TMEM232: variants seen among roughly 807,000 people sequenced by gnomAD.
TMEM232 encodes transmembrane protein 232.
Under a neutral mutation model 78.8 loss-of-function variants are expected in TMEM232, and 80 were observed. That is an observed-to-expected ratio of 1.01 (90% CI 0.85 to 1.22). The LOEUF (loss-of-function observed/expected upper bound fraction) is 1.22, where lower values mean the gene tolerates loss of function less well. Among genes scored for constraint, TMEM232 ranks in the 50% most tolerant of loss-of-function variants. TMEM232 has a pLI of 0.00. For missense variants in TMEM232, 881 were observed against 742.2 expected, an observed-to-expected ratio of 1.19 and a Z score of -2.17; for synonymous variants, 297 against 254.3, an observed-to-expected ratio of 1.17 and a Z score of -1.60.
At chr5:110,529,824 G>T (rs960844817) in intron 11 of TMEM232, among the ~76,000 whole-genome samples, 1 of 152,104 alleles carries the variant, frequency 6.6e-6, no homozygotes, top group Non-Finnish European at 1.5e-5. Flanking sequence ...TCTCTGGCAG[G>T]AATCAGCAAT....
At chr5:110,610,468 G>T (rs1168362273) in intron 8 of TMEM232, 1 of 394,578 alleles carries the variant, frequency 2.5e-6, no homozygotes, top group Non-Finnish European at 5.0e-6. Context: ...CAGAAGTTGG[G>T]AACACATATG....
intron 12 of TMEM232, among the ~76,000 whole-genome samples, chr5:110,435,825 T>C (rs1158306569): frequency 6.6e-6 from 1 of 152,016 alleles, no homozygotes; most frequent in East Asian, 1.9e-4. Flanking sequence ...CTCTATTGTG[T>C]ATAAGAATGA....
At chr5:110,688,836 T>C (rs140471779) in intron 1 of TMEM232, among the ~76,000 whole-genome samples, 1,787 of 152,276 alleles carry the variant, frequency 0.012, 45 homozygotes, top group African/African-American at 0.04. Context: ...GCCTCCCCCA[T>C]GTTTTGCCCA....
intron 10 of TMEM232, among the ~76,000 whole-genome samples, chr5:110,589,734 A>T (rs1297835787): frequency 6.6e-6 from 1 of 152,168 alleles, no homozygotes; most frequent in African/African-American, 2.4e-5. Flanking sequence ...GTGCCTAGAA[A>T]AATGCCTGGA....
intron 12 of TMEM232, among the ~76,000 whole-genome samples, chr5:110,446,517 G>A (rs1303114403): frequency 6.6e-6 from 1 of 152,046 alleles, no homozygotes; most frequent in African/African-American, 2.4e-5. Flanking sequence ...TTTGGGGTTG[G>A]GGAAACAGGG....
intron 3 of TMEM232, among the ~76,000 whole-genome samples, chr5:110,392,353 A>G (rs928508276): frequency 6.6e-6 from 1 of 152,232 alleles, no homozygotes; most frequent in African/African-American, 2.4e-5. Context: ...ATCTTGGTAA[A>G]CGGATAAAAA....
At chr5:110,434,707 A>T (rs1465235729) in intron 12 of TMEM232, among the ~76,000 whole-genome samples, 1 of 152,182 alleles carries the variant, frequency 6.6e-6, no homozygotes, top group Non-Finnish European at 1.5e-5. Flanking sequence ...AATCCTCAGC[A>T]AAATACTAGC....
Position 110,467,567 on chromosome 5 carries a change from CATGAA to C in TMEM232, c.1704-42656_1704-42652del, listed in dbSNP as rs200336054. ...TATGAAAGCCATCATATCCAGAACT[CATGAA>C]ATATTTCAAAAAGCTTTGCAAACAA... On this transcript the variant is annotated intron_variant, in intron 12 of 13. Transcript: ENST00000455884. 6.7e-3 allele frequency among the ~76,000 whole-genome samples: 1,021 copies of C among 152,250 alleles called. 19 individuals are homozygous for C. Among genetic ancestry groups the C allele is most frequent in the African/African-American group, 0.023 (946 of 41,554 alleles).
At chr5:110,697,519 G>A (rs549850862) in intron 1 of TMEM232, among the ~76,000 whole-genome samples, 11 of 152,126 alleles carry the variant, frequency 7.2e-5, no homozygotes, top group South Asian at 2.1e-4. Flanking sequence ...GCAACCTACA[G>A]AATGGGAGAA....
chr5:110,632,794 C>T (rs968966416), intron 5 of TMEM232, among the ~76,000 whole-genome samples: 26 of 152,000 alleles, frequency 1.7e-4, no homozygotes, highest in Non-Finnish European at 1.5e-5. Flanking sequence ...TTATTGGTAT[C>T]CCTAAAGGAG....
chr5:110,435,856 C>T (rs1758374080), intron 12 of TMEM232, among the ~76,000 whole-genome samples: 2 of 151,960 alleles, frequency 1.3e-5, no homozygotes, highest in Non-Finnish European at 2.9e-5. Context: ...ATCCACTCAT[C>T]TGTTGATGGA....
intron 1 of TMEM232, among the ~76,000 whole-genome samples, chr5:110,688,138 C>T (rs1036814110): frequency 7.9e-5 from 12 of 151,246 alleles, no homozygotes; most frequent in Non-Finnish European, 1.5e-4. Context: ...AATAGTCTTG[C>T]TTTGACAATT....
chr5:110,487,765 T>C (rs1764630015), intron 12 of TMEM232, among the ~76,000 whole-genome samples: 4 of 152,116 alleles, frequency 2.6e-5, no homozygotes, highest in Admixed American at 2.6e-4. Flanking sequence ...GTAGTTTTCT[T>C]TTTTGGTTAT....
chr5:110,708,320 C>G (rs460776), intron 1 of TMEM232, among the ~76,000 whole-genome samples: 18,267 of 152,158 alleles, frequency 0.12, 1,502 homozygotes, highest in South Asian at 0.3. Context: ...CAACACCAGT[C>G]CTTTCCTACA....
intron 1 of TMEM232, among the ~76,000 whole-genome samples, chr5:110,673,756 T>C (rs1302732112): frequency 6.6e-6 from 1 of 152,166 alleles, no homozygotes; most frequent in Non-Finnish European, 1.5e-5. Flanking sequence ...TCCTAATAAA[T>C]GAAGAAAAGC....
At chr5:110,623,871 T>C (rs148338370) in intron 7 of TMEM232, among the ~76,000 whole-genome samples, 1 of 152,310 alleles carries the variant, frequency 6.6e-6, no homozygotes, top group East Asian at 1.9e-4. Flanking sequence ...CTAAGCTTTG[T>C]TCTACAAAGT....
chr5:110,548,160 A>G (rs1464458243), intron 11 of TMEM232, among the ~76,000 whole-genome samples: 1 of 151,390 alleles, frequency 6.6e-6, no homozygotes, highest in Non-Finnish European at 1.5e-5. Context: ...GAAGAAGAAT[A>G]AGGAAAGAAA....
intron 10 of TMEM232, 73 bp downstream of exon 10, chr5:110,605,036 G>C: frequency 7.3e-7 from 1 of 1,369,808 alleles, no homozygotes; most frequent in Non-Finnish European, 9.7e-7. Flanking sequence ...ACTTTGAGTA[G>C]AATGCTTATT....
At chr5:110,621,608 T>A (rs1397483032) in intron 7 of TMEM232, among the ~76,000 whole-genome samples, 1 of 152,152 alleles carries the variant, frequency 6.6e-6, no homozygotes, top group African/African-American at 2.4e-5. Context: ...TTAGGAGAGA[T>A]CTTTTACCAC....
Sources: gnomAD v4.1 joint callset for allele counts (sites outside exome capture counted in the v4.1 genomes callset) on GRCh38, gnomAD v4.1.1 for gene constraint, MANE v1.5 for transcripts, NCBI Gene and HGNC (gene_info 2026-07-23, HGNC 2026-07-21) for gene names.